The following ADAMTSL3 variants were observed in gnomAD, a reference collection of about 807,000 sequenced individuals.
The protein encoded by ADAMTSL3 is ADAMTS-like protein 3.
Under a neutral mutation model 201.7 loss-of-function variants are expected in ADAMTSL3, and 128 were observed. The ratio of observed to expected loss-of-function variants is 0.63; its 90% CI spans 0.55 to 0.73. The LOEUF is 0.73. Among genes scored for constraint, ADAMTSL3 ranks in the 30% least tolerant of loss-of-function variants. The pLI is 0.00. For missense variants in ADAMTSL3, 1,990 were observed against 2,119.6 expected, an observed-to-expected ratio of 0.94 and a Z score of 1.20; for synonymous variants, 738 against 748.4, an observed-to-expected ratio of 0.99 and a Z score of 0.23.
chr15:83,881,265 T>C (rs2065265083), intron 9 of ADAMTSL3, among the ~76,000 whole-genome samples: 2 of 152,230 alleles, frequency 1.3e-5, no homozygotes, highest in African/African-American at 2.4e-5. Flanking sequence ...TTTATTCCTA[T>C]GATAGAACTT....
At chr15:83,929,928 C>T (rs936783766) in intron 17 of ADAMTSL3, among the ~76,000 whole-genome samples, 3 of 152,278 alleles carry the variant, frequency 2.0e-5, no homozygotes, top group African/African-American at 4.8e-5. Context: ...TAGAGACCTT[C>T]GCTACTATGA....
At chr15:83,918,290 T>G (rs981559552) in intron 16 of ADAMTSL3, among the ~76,000 whole-genome samples, 2 of 152,240 alleles carry the variant, frequency 1.3e-5, no homozygotes, top group Non-Finnish European at 2.9e-5. Context: ...TGTTTCTATG[T>G]GCCAGGCACT....
At chr15:83,674,766 C>CATACATATATATATATATATATAT (rs760271207) in intron 2 of ADAMTSL3, among the ~76,000 whole-genome samples, 2 of 68,948 alleles carry the variant, frequency 2.9e-5, no homozygotes, top group Non-Finnish European at 5.7e-5. Flanking sequence ...CACATATATA[C>CATACATATATATATATATATATAT]ATATATATAT....
At position 83,655,746 on chromosome 15, in the gene ADAMTSL3, G is replaced by A. The variant is rs201702863; in HGVS notation, c.-16G>A. 3.0e-5 allele frequency: 48 copies of A among 1,613,876 alleles called. No individual in the cohort carries two copies. In the African/African-American group the frequency reaches 3.3e-4, roughly 11 times the overall value. On this transcript the variant is annotated 5_prime_UTR_variant, in exon 2 of 30. Coordinates refer to ENST00000286744, the MANE Select transcript of ADAMTSL3 (RefSeq NM_207517.3). ...GTTTGTAGGCTACAACTGAGACCCG[G>A]AGGAGACTAGACCCCATGGCTTCCT...
At chr15:84,004,839 C>G (rs1407409545) in intron 23 of ADAMTSL3, among the ~76,000 whole-genome samples, 1 of 152,174 alleles carries the variant, frequency 6.6e-6, no homozygotes, top group Non-Finnish European at 1.5e-5. Flanking sequence ...AGCAAATGAT[C>G]TGCAATGGCG....
chr15:83,872,806 A>T lies in ADAMTSL3; in HGVS notation c.960+1847A>T, dbSNP rs1432410332. On this transcript the variant is annotated intron_variant, in intron 9 of 29. Coordinates refer to ENST00000286744, the MANE Select transcript of ADAMTSL3 (RefSeq NM_207517.3). The stretch of plus-strand genomic sequence containing the variant: ...GTGTCAGCATCAGTAGATCTTAATA[A>T]TATATTGTTTATTGACACCATTTAT... Among the ~76,000 whole-genome samples, 2 of 144,736 alleles carry T rather than the reference A, an allele frequency of 1.4e-5. 1 individual carries two copies. Among genetic ancestry groups the T allele is most frequent in the East Asian group, 4.5e-4 (2 of 4,430 alleles). The allele number at this position is 144,736 out of a possible 152,430, so 95.0% of individuals were successfully genotyped here.
At chr15:83,856,410 C>T (rs1367002057) in intron 7 of ADAMTSL3, among the ~76,000 whole-genome samples, 1 of 152,066 alleles carries the variant, frequency 6.6e-6, no homozygotes, top group Non-Finnish European at 1.5e-5. Context: ...CTCCTGGGCT[C>T]AAGCCATCCT....
intron 7 of ADAMTSL3, among the ~76,000 whole-genome samples, chr15:83,853,247 A>G (rs2064657980): frequency 6.6e-6 from 1 of 152,128 alleles, no homozygotes; most frequent in South Asian, 2.1e-4. Context: ...ATTTTTCTAA[A>G]TGATTATTCT....
chr15:83,786,493 A>C (rs1034961101), intron 4 of ADAMTSL3, among the ~76,000 whole-genome samples: 5 of 152,302 alleles, frequency 3.3e-5, no homozygotes, highest in Non-Finnish European at 7.4e-5. Context: ...AAAATGTACA[A>C]TAAATGGTTG....
chr15:83,786,243 T>G (rs966612584), intron 4 of ADAMTSL3, among the ~76,000 whole-genome samples: 2 of 152,138 alleles, frequency 1.3e-5, no homozygotes, highest in Non-Finnish European at 2.9e-5. Context: ...TTCCAAAGTG[T>G]TGGGATTACA....
chr15:83,914,122 T>C (rs985591681), intron 16 of ADAMTSL3, among the ~76,000 whole-genome samples: 10 of 152,218 alleles, frequency 6.6e-5, no homozygotes, highest in Non-Finnish European at 8.8e-5. Flanking sequence ...TGTCACCCCG[T>C]CCCCTCATCC....
chr15:83,828,004 C>T (rs1333242388), intron 6 of ADAMTSL3, among the ~76,000 whole-genome samples: 1 of 152,156 alleles, frequency 6.6e-6, no homozygotes, highest in Admixed American at 6.5e-5. Flanking sequence ...AATGCAGGCT[C>T]TTTTTTGGTT....
At position 83,904,181 on chromosome 15, in the gene ADAMTSL3, C is replaced by G. The variant is rs746502063; in HGVS notation, c.1700+4450C>G. Among the ~76,000 whole-genome samples, 34 of 151,988 alleles carry G rather than the reference C, an allele frequency of 2.2e-4. No homozygotes were observed. The Middle Eastern group carries it at 0.014, about 61-fold the overall frequency. The stretch of plus-strand genomic sequence containing the variant: ...CCCTGGCCCAAGCAGCTGCCTCTTC[C>G]CACCTTCTGCCATCTCTCCCTCTGT... On this transcript the variant is annotated intron_variant, in intron 15 of 29. Transcript: ENST00000286744.
At chr15:83,827,789 G>T (rs1477947850) in intron 6 of ADAMTSL3, among the ~76,000 whole-genome samples, 8 of 152,010 alleles carry the variant, frequency 5.3e-5, no homozygotes, top group Non-Finnish European at 1.0e-4. Context: ...TTTCCCCATT[G>T]CTTGTTTTTG....
At chr15:84,015,917 G>A (rs2063035) in intron 24 of ADAMTSL3, among the ~76,000 whole-genome samples, 126,253 of 152,146 alleles carry the variant, frequency 0.83, 52,696 homozygotes, top group East Asian at 0.95. Context: ...TGATGGAGAG[G>A]TCAAATCATG....
chr15:84,031,907 G>C (rs1210400927), intron 28 of ADAMTSL3, among the ~76,000 whole-genome samples: 1 of 152,146 alleles, frequency 6.6e-6, no homozygotes, highest in Non-Finnish European at 1.5e-5. Flanking sequence ...AATAAGGGTG[G>C]AGTTTGCTTT....
At position 83,847,052 on chromosome 15, in the gene ADAMTSL3, T is replaced by C. The variant is rs145446008; in HGVS notation, c.727+8837T>C. Among the ~76,000 whole-genome samples, 205 of 152,198 alleles carry C rather than the reference T, an allele frequency of 1.3e-3. 2 individuals are homozygous for C. The highest frequency in any genetic ancestry group is 1.9e-3 in the Non-Finnish European group (126 of 68,002). On this transcript the variant is annotated intron_variant, in intron 7 of 29. Transcript: ENST00000286744. ...GGCCAGTAAATAAACATACGTCAGG[T>C]TGGGAGCAGATGTTTCTGCATAGGA...
intron 13 of ADAMTSL3, 101 bp downstream of exon 13, chr15:83,892,989 A>T (rs554526551): frequency 1.0e-4 from 118 of 1,172,884 alleles, no homozygotes; most frequent in Non-Finnish European, 1.4e-4. Context: ...ACAAAAAAAA[A>T]GTGGTAAAAG....
At chr15:83,893,256 G>A (rs2065547021) in intron 13 of ADAMTSL3, among the ~76,000 whole-genome samples, 1 of 152,136 alleles carries the variant, frequency 6.6e-6, no homozygotes, top group Non-Finnish European at 1.5e-5. Context: ...AAACAAGCAA[G>A]AATTACAATT....
Sources: allele counts gnomAD v4.1 joint callset (sites outside exome capture counted in the v4.1 genomes callset), GRCh38; gene constraint gnomAD v4.1.1; transcripts MANE v1.5; gene names NCBI Gene and HGNC (gene_info 2026-07-23, HGNC 2026-07-21).